TRIM5: variants seen among roughly 807,000 people sequenced by gnomAD.
TRIM5 encodes tripartite motif-containing protein 5.
A neutral mutation model predicts 35.6 loss-of-function variants in TRIM5; 31 were observed. The observed-to-expected ratio is 0.87, with a 90% confidence interval of 0.65 to 1.18. The LOEUF is 1.18. Ranked by LOEUF, TRIM5 falls within the 50% of genes most tolerant of loss-of-function variation. The probability of loss-of-function intolerance (pLI) is 0.00; values close to 1 mark genes in which losing one functional copy is unlikely to be tolerated. For synonymous variants in TRIM5, 243 were observed against 215.6 expected, an observed-to-expected ratio of 1.13 and a Z score of -1.11; for missense variants, 609 against 591.6, an observed-to-expected ratio of 1.03 and a Z score of -0.31.
chr11:5,638,014 G>A, the TRIM5 span, among the ~76,000 whole-genome samples: 115 of 152,232 alleles, frequency 7.6e-4, 1 homozygote, highest in African/African-American at 2.6e-3. Flanking sequence ...CCTTGTACTT[G>A]TTTAGACCTG....
chr11:5,667,246 G>C (rs534152714), intron 5 of TRIM5, among the ~76,000 whole-genome samples: 1 of 151,106 alleles, frequency 6.6e-6, no homozygotes, highest in Non-Finnish European at 1.5e-5. Context: ...TCACTTTGTC[G>C]CCCAGACTGG....
chr11:5,646,680 C>G, the TRIM5 span, among the ~76,000 whole-genome samples: 1 of 152,138 alleles, frequency 6.6e-6, no homozygotes, highest in Admixed American at 6.5e-5. Flanking sequence ...ACTTTGTAAC[C>G]CTTGGACACC....
intron 4 of TRIM5, among the ~76,000 whole-genome samples, chr11:5,670,713 C>G (rs1029228965): frequency 1.1e-4 from 16 of 152,156 alleles, no homozygotes; most frequent in African/African-American, 3.9e-4. Context: ...ACGACAGAAG[C>G]CTTACTGCCT....
chr11:5,684,415 C>A (rs1292802708), intron 1 of TRIM5, among the ~76,000 whole-genome samples: 2 of 107,394 alleles, frequency 1.9e-5, no homozygotes, highest in African/African-American at 3.4e-5. Context: ...GAAAGAACTC[C>A]ATTTACAGTG....
In TRIM5 at chr11:5,666,133, G is replaced by A. The variant is rs575750279; in HGVS notation, c.768-52C>T. 7.0e-4 allele frequency: 1,027 copies of A among 1,459,174 alleles called. 10 individuals are homozygous for A. The South Asian group carries it at 0.01, about 14-fold the overall frequency. The allele number at this position is 1,459,174 out of a possible 1,614,324, so 90.4% of individuals were successfully genotyped here. On this transcript the variant is annotated intron_variant, in intron 5 of 7. Coordinates refer to ENST00000380034, the MANE Select transcript of TRIM5 (RefSeq NM_033034.3). The stretch of plus-strand genomic sequence containing the variant: ...CTTCCAAACCTTTGACCTTGTGTCC[G>A]TGGAACACCCCTGACTTCCTATCAT...
the TRIM5 span, among the ~76,000 whole-genome samples, chr11:5,620,497 A>C: frequency 6.6e-6 from 1 of 152,118 alleles, no homozygotes; most frequent in African/African-American, 2.4e-5. Flanking sequence ...CACTGCGTCC[A>C]GCCAAGCTTT....
the TRIM5 span, among the ~76,000 whole-genome samples, chr11:5,617,486 C>CT: frequency 5.3e-3 from 572 of 107,460 alleles, 25 homozygotes; most frequent in African/African-American, 0.015. Flanking sequence ...TGGACTCAAT[C>CT]TTTTTTTTTT....
At chr11:5,657,565 ATTAT>A in the TRIM5 span, among the ~76,000 whole-genome samples, 1 of 99,714 alleles carries the variant, frequency 1.0e-5, no homozygotes, top group Non-Finnish European at 1.8e-5. Context: ...ATTTATATAT[ATTAT>A]TTATATATTA....
At chr11:5,600,060 A>G in the TRIM5 span, among the ~76,000 whole-genome samples, 1 of 152,208 alleles carries the variant, frequency 6.6e-6, no homozygotes, top group Non-Finnish European at 1.5e-5. Flanking sequence ...CTCTCAGATG[A>G]TAGGTAAATA....
the TRIM5 span, among the ~76,000 whole-genome samples, chr11:5,629,980 A>G: frequency 9.9e-5 from 15 of 152,270 alleles, no homozygotes; most frequent in South Asian, 3.1e-3. Flanking sequence ...TGCTGAGATT[A>G]CAGGGGTGAG....
chr11:5,610,390 C>G, the TRIM5 span: 129 of 1,565,264 alleles, frequency 8.2e-5, 1 homozygote, highest in South Asian at 1.3e-3. Flanking sequence ...GAAGAAGATG[C>G]GGTTTGTATT....
the TRIM5 span, among the ~76,000 whole-genome samples, chr11:5,619,118 T>C: frequency 6.6e-6 from 1 of 152,222 alleles, no homozygotes; most frequent in South Asian, 2.1e-4. Flanking sequence ...GCAAGTGGAC[T>C]TGGTACTCCT....
the TRIM5 span, among the ~76,000 whole-genome samples, chr11:5,606,024 G>A: frequency 6.6e-6 from 1 of 152,172 alleles, no homozygotes; most frequent in African/African-American, 2.4e-5. Flanking sequence ...TGCCACGATA[G>A]CCCCAGGGTG....
At position 5,672,899 on chromosome 11, in the gene TRIM5, A is replaced by ACATT. The variant is rs568140350; in HGVS notation, c.745-5189_745-5188insAATG. ...AGATGCATATTGTAATCATTAGAGC[A>ACATT]AGCACTAGGAAGAGTACTAATGTCA... On this transcript the variant is annotated intron_variant, in intron 4 of 7. Transcript: ENST00000380034. Among the ~76,000 whole-genome samples the ACATT allele has an allele frequency of 8.8e-3, 1,346 of 152,318 alleles. 24 individuals are homozygous for ACATT. Among genetic ancestry groups the ACATT allele is most frequent in the African/African-American group, 0.03 (1,256 of 41,570 alleles).
chr11:5,679,253 G>C (rs1852233053), intron 2 of TRIM5, 84 bp from the exon 3 acceptor site: 4 of 1,219,914 alleles, frequency 3.3e-6, no homozygotes, highest in African/African-American at 1.5e-5. Flanking sequence ...AAATCAGGTT[G>C]ATCTCAGAAG....
At chr11:5,588,758 G>A in the TRIM5 span, among the ~76,000 whole-genome samples, 2 of 147,884 alleles carry the variant, frequency 1.4e-5, no homozygotes, top group Non-Finnish European at 3.0e-5. Context: ...TTAGCTTTTG[G>A]TAACTCCTTC....
the TRIM5 span, among the ~76,000 whole-genome samples, chr11:5,622,820 T>C: frequency 6.6e-6 from 1 of 152,186 alleles, no homozygotes; most frequent in Admixed American, 6.5e-5. Flanking sequence ...ATTTAGGAAG[T>C]TTATTTTGCC....
At chr11:5,655,130 T>C in the TRIM5 span, among the ~76,000 whole-genome samples, 6 of 150,574 alleles carry the variant, frequency 4.0e-5, no homozygotes, top group Middle Eastern at 3.4e-3. Flanking sequence ...GAGGTGGAGG[T>C]TGCAGTGAGC....
chr11:5,642,335 A>G, the TRIM5 span: 2 of 1,404,840 alleles, frequency 1.4e-6, no homozygotes, highest in East Asian at 4.6e-5. Flanking sequence ...GAAGGAGATG[A>G]AACCAGTGAT....
Sources: allele counts gnomAD v4.1 joint callset (sites outside exome capture counted in the v4.1 genomes callset), GRCh38; gene constraint gnomAD v4.1.1; transcripts MANE v1.5; gene names NCBI Gene and HGNC (gene_info 2026-07-23, HGNC 2026-07-21).